KCNIP4: variants seen among roughly 807,000 people sequenced by gnomAD.
The protein encoded by KCNIP4 is Kv channel-interacting protein 4.
KCNIP4 carries 12 observed loss-of-function variants against 34.0 expected under a neutral mutation model. The observed-to-expected ratio is 0.35, with a 90% confidence interval of 0.23 to 0.57. The LOEUF (loss-of-function observed/expected upper bound fraction) is 0.57. KCNIP4 is among the 20% of genes least tolerant of loss of function. The probability of loss-of-function intolerance (pLI) is 0.83; values close to 1 mark genes in which losing one functional copy is unlikely to be tolerated. For missense variants in KCNIP4, 238 were observed against 311.7 expected, an observed-to-expected ratio of 0.76 and a Z score of 1.78; for synonymous variants, 124 against 102.2, an observed-to-expected ratio of 1.21 and a Z score of -1.29.
chr4:21,470,482 T>A (rs928621219), intron 1 of KCNIP4, among the ~76,000 whole-genome samples: 18 of 152,158 alleles, frequency 1.2e-4, no homozygotes, highest in African/African-American at 4.3e-4. Flanking sequence ...AAATTGAACT[T>A]CAGGAAAAAT....
chr4:21,499,460 T>A (rs1733129808), intron 1 of KCNIP4, among the ~76,000 whole-genome samples: 2 of 152,116 alleles, frequency 1.3e-5, no homozygotes, highest in South Asian at 4.1e-4. Context: ...TGGAATTCTG[T>A]GGTAGCATAA....
intron 1 of KCNIP4, among the ~76,000 whole-genome samples, chr4:21,187,116 A>G (rs1755291487): frequency 6.6e-6 from 1 of 152,180 alleles, no homozygotes; most frequent in African/African-American, 2.4e-5. Context: ...GAAGTAATTC[A>G]TTTATTTTGT....
intron 1 of KCNIP4, among the ~76,000 whole-genome samples, chr4:20,987,843 C>T (rs1736713708): frequency 6.7e-6 from 1 of 149,444 alleles, no homozygotes; most frequent in African/African-American, 2.5e-5. Context: ...ACTAAAAATC[C>T]AAAAAAAATT....
chr4:21,497,833 A>C (rs1327810884), intron 1 of KCNIP4, among the ~76,000 whole-genome samples: 2 of 152,144 alleles, frequency 1.3e-5, no homozygotes, highest in Non-Finnish European at 2.9e-5. Context: ...AGTTATTCTA[A>C]AGTAAATAAT....
At chr4:21,866,431 G>A (rs1725419458) in intron 1 of KCNIP4, among the ~76,000 whole-genome samples, 1 of 152,186 alleles carries the variant, frequency 6.6e-6, no homozygotes, top group Admixed American at 6.5e-5. Context: ...GGGAGTTGCT[G>A]CTCCCATTCA....
chr4:20,843,493 G>A (rs1179312835), intron 3 of KCNIP4, among the ~76,000 whole-genome samples: 1 of 152,186 alleles, frequency 6.6e-6, no homozygotes, highest in Admixed American at 6.5e-5. Flanking sequence ...ACTTTGGGAG[G>A]TGGAGGCAGG....
intron 1 of KCNIP4, among the ~76,000 whole-genome samples, chr4:21,090,930 A>G (rs1746942828): frequency 6.6e-6 from 1 of 152,212 alleles, no homozygotes; most frequent in African/African-American, 2.4e-5. Context: ...ATCAGTGCCA[A>G]TTACATCTCA....
chr4:21,837,542 A>AAAAAAGAAAAG (rs1553936450), intron 1 of KCNIP4, among the ~76,000 whole-genome samples: 1 of 149,600 alleles, frequency 6.7e-6, no homozygotes, highest in Admixed American at 6.6e-5. Context: ...CAAAAAAAAA[A>AAAAAAGAAAAG]AAAAAGAAAA....
At chr4:21,689,490 C>A (rs922805794) in intron 1 of KCNIP4, among the ~76,000 whole-genome samples, 3 of 152,094 alleles carry the variant, frequency 2.0e-5, no homozygotes, top group African/African-American at 7.2e-5. Context: ...AGCTGGAATT[C>A]CAACACAGCT....
intron 1 of KCNIP4, chr4:21,846,290 T>C (rs143565826): frequency 1.3e-5 from 2 of 152,206 alleles, no homozygotes; most frequent in East Asian, 1.9e-4. Context: ...AGAGATAACA[T>C]ACAGACAGAT....
At chr4:21,007,438 T>C (rs924245173) in intron 1 of KCNIP4, among the ~76,000 whole-genome samples, 4 of 152,168 alleles carry the variant, frequency 2.6e-5, no homozygotes, top group African/African-American at 4.8e-5. Context: ...ATGGAGTATA[T>C]GGGATATTTA....
intron 1 of KCNIP4, among the ~76,000 whole-genome samples, chr4:20,948,837 A>T (rs887170358): frequency 1.3e-5 from 2 of 152,222 alleles, no homozygotes; most frequent in African/African-American, 4.8e-5. Flanking sequence ...ATATCATGTT[A>T]TATGTTATTA....
chr4:21,471,193 G>A lies in KCNIP4; in HGVS notation c.61+477378C>T, dbSNP rs140002220. Among the ~76,000 whole-genome samples, 1,245 of 152,206 alleles carry A rather than the reference G, an allele frequency of 8.2e-3. 9 individuals carry two copies. The highest frequency in any genetic ancestry group is 0.012 in the Non-Finnish European group (813 of 68,016). The stretch of plus-strand genomic sequence containing the variant: ...ACTCTCTGTGGCTTTTACTATCAAG[G>A]CAAGTTTGAGAAGTTCTGTTTTTAG... On this transcript the variant is annotated intron_variant, in intron 1 of 8. Coordinates refer to ENST00000382152, the MANE Select transcript of KCNIP4 (RefSeq NM_025221.6).
intron 1 of KCNIP4, among the ~76,000 whole-genome samples, chr4:21,571,006 A>G (rs1455042303): frequency 1.3e-5 from 2 of 152,136 alleles, no homozygotes; most frequent in African/African-American, 4.8e-5. Flanking sequence ...TAAGCATTAC[A>G]TGCTTCTCCG....
At chr4:21,314,566 T>G (rs2109282790) in intron 1 of KCNIP4, among the ~76,000 whole-genome samples, 1 of 152,270 alleles carries the variant, frequency 6.6e-6, no homozygotes, top group East Asian at 1.9e-4. Context: ...ATATTTTTTT[T>G]TATCTCATGC....
intron 1 of KCNIP4, chr4:20,983,807 A>G (rs1255024749): frequency 2.0e-6 from 3 of 1,535,934 alleles, no homozygotes; most frequent in Non-Finnish European, 2.6e-6. Context: ...TGGAGCGACC[A>G]CTTTACCTTC....
intron 1 of KCNIP4, among the ~76,000 whole-genome samples, chr4:20,968,128 A>C (rs149914757): frequency 1.3e-5 from 2 of 152,234 alleles, no homozygotes; most frequent in African/African-American, 4.8e-5. Flanking sequence ...ATATGAACAA[A>C]CACTTCTCAA....
At chr4:20,755,966 G>A (rs986413799) in intron 4 of KCNIP4, among the ~76,000 whole-genome samples, 2 of 152,094 alleles carry the variant, frequency 1.3e-5, no homozygotes, top group African/African-American at 4.8e-5. Flanking sequence ...AGGCCACTCT[G>A]TAGGTTGTGG....
At chr4:21,021,878 TAGTA>T (rs1740092592) in intron 1 of KCNIP4, among the ~76,000 whole-genome samples, 1 of 151,502 alleles carries the variant, frequency 6.6e-6, no homozygotes, top group Non-Finnish European at 1.5e-5. Context: ...TAGTATAGTA[TAGTA>T]TAGTATAGTA....
Sources: gnomAD v4.1 joint callset for allele counts (sites outside exome capture counted in the v4.1 genomes callset) on GRCh38, gnomAD v4.1.1 for gene constraint, MANE v1.5 for transcripts, NCBI Gene and HGNC (gene_info 2026-07-23, HGNC 2026-07-21) for gene names.